The following NEDD4 variants were observed in gnomAD, a reference collection of about 807,000 sequenced individuals.
The protein encoded by NEDD4 is E3 ubiquitin-protein ligase NEDD4.
In NEDD4, 99 loss-of-function variants were observed where a neutral mutation model predicts 144.9. That is an observed-to-expected ratio of 0.68 (90% CI 0.58 to 0.81). The LOEUF (loss-of-function observed/expected upper bound fraction) is 0.81. NEDD4 is among the 30% of genes least tolerant of loss of function. NEDD4 has a pLI of 0.00. For missense variants in NEDD4, 985 were observed against 1,065.9 expected (o/e 0.92, Z 1.06); for synonymous variants, 318 against 350.6 (o/e 0.91, Z 1.04).
At chr15:55,938,377 C>T (rs1219205954) in intron 4 of NEDD4, among the ~76,000 whole-genome samples, 2 of 151,800 alleles carry the variant, frequency 1.3e-5, no homozygotes, top group African/African-American at 4.8e-5. Flanking sequence ...AACAAAAAAA[C>T]AACAAATGGC....
intron 4 of NEDD4, among the ~76,000 whole-genome samples, chr15:55,944,546 C>T (rs1177999683): frequency 1.6e-4 from 25 of 152,220 alleles, no homozygotes; most frequent in African/African-American, 5.5e-4. Flanking sequence ...ATAGACTCAA[C>T]CTCTGTGAGC....
At chr15:55,834,451 T>C (rs2033104416) in intron 24 of NEDD4, among the ~76,000 whole-genome samples, 165 bp from the exon 25 acceptor site, 1 of 152,158 alleles carries the variant, frequency 6.6e-6, no homozygotes, top group Non-Finnish European at 1.5e-5. Flanking sequence ...AAAATGTACA[T>C]GTGCACAGTC....
Position 55,993,543 on chromosome 15 carries a change from C to G in NEDD4, c.13G>C (p.Ala5Pro). 2 of 1,596,740 alleles carry G rather than the reference C, an allele frequency of 1.3e-6. No homozygotes were observed. Among genetic ancestry groups the G allele is most frequent in the Non-Finnish European group, 1.7e-6 (2 of 1,173,808 alleles). Reference sequence around the variant, plus strand: ...TCCAGGAGCCCGAACACCTCCACCGCGCAAGTTGCCATTTCCGAACGCTTC... The same window carrying G: ...TCCAGGAGCCCGAACACCTCCACCGGGCAAGTTGCCATTTCCGAACGCTTC... MATC[A>P]VEVFGLLEDE... Residue 5 changes from alanine to proline, a missense_variant, in exon 1 of 29, where the codon GCG becomes CCG. Coordinates refer to ENST00000435532, the MANE Select transcript of NEDD4 (RefSeq NM_006154.4).
intron 21 of NEDD4, among the ~76,000 whole-genome samples, chr15:55,839,772 CTG>C (rs2033381679): frequency 6.6e-6 from 1 of 151,424 alleles, no homozygotes; most frequent in Admixed American, 6.6e-5. Context: ...GGTCAAAAGA[CTG>C]AGACCATCCT....
chr15:55,881,728 G>A (rs2035200925), intron 5 of NEDD4, among the ~76,000 whole-genome samples: 1 of 152,024 alleles, frequency 6.6e-6, no homozygotes, highest in Non-Finnish European at 1.5e-5. Context: ...CTGTATGTTT[G>A]ATGATTTGTG....
chr15:55,989,119 C>T (rs1383348364), intron 1 of NEDD4, among the ~76,000 whole-genome samples: 1 of 151,998 alleles, frequency 6.6e-6, no homozygotes, highest in Non-Finnish European at 1.5e-5. Flanking sequence ...GCCTATAATC[C>T]CAGCTACCCT....
intron 2 of NEDD4, among the ~76,000 whole-genome samples, chr15:55,960,010 C>A (rs2037400149): frequency 6.6e-6 from 1 of 152,152 alleles, no homozygotes; most frequent in Admixed American, 6.6e-5. Flanking sequence ...TTCTCTACCT[C>A]CTCTCAGCTC....
At chr15:55,954,953 T>G (rs1026324465) in intron 2 of NEDD4, among the ~76,000 whole-genome samples, 28 of 147,878 alleles carry the variant, frequency 1.9e-4, no homozygotes, top group African/African-American at 7.5e-4. Flanking sequence ...GTAAGAATAT[T>G]TAACATGACC....
chr15:55,921,586 T>G (rs1375122163), intron 5 of NEDD4, among the ~76,000 whole-genome samples: 1 of 152,100 alleles, frequency 6.6e-6, no homozygotes, highest in East Asian at 1.9e-4. Context: ...CAGGAACACC[T>G]CCTGATCCAC....
chr15:55,882,659 C>T (rs2035236150), intron 5 of NEDD4, among the ~76,000 whole-genome samples: 1 of 152,124 alleles, frequency 6.6e-6, no homozygotes, highest in African/African-American at 2.4e-5. Flanking sequence ...AACCAGTGGA[C>T]TTGGGGGGCA....
chr15:55,835,054 C>A (rs62046641), intron 24 of NEDD4, among the ~76,000 whole-genome samples: 14,101 of 152,196 alleles, frequency 0.093, 706 homozygotes, highest in Middle Eastern at 0.15. Context: ...TCAACCCATA[C>A]CTACCTTTAA....
chr15:55,966,843 A>G (rs2037521470), intron 1 of NEDD4, among the ~76,000 whole-genome samples: 1 of 152,212 alleles, frequency 6.6e-6, no homozygotes, highest in South Asian at 2.1e-4. Flanking sequence ...GGAATTTCCA[A>G]TTATTGCTAT....
In NEDD4 at chr15:55,834,020, A is replaced by G. The variant is rs1345544338; in HGVS notation, c.2430+18T>C. ...ATCTATCAAAAAGTAAGTTATGAAA[A>G]TAGAAGTTTCAAATTACCTTCCAAA... On this transcript the variant is annotated intron_variant, in intron 26 of 28. Coordinates refer to ENST00000435532, the MANE Select transcript of NEDD4 (RefSeq NM_006154.4). 1 of 1,551,436 alleles carries G rather than the reference A, an allele frequency of 6.4e-7. No individual in the cohort carries two copies. The highest frequency in any genetic ancestry group is 8.9e-7 in the Non-Finnish European group (1 of 1,129,130).
chr15:55,984,603 C>T (rs2037860001), intron 1 of NEDD4, among the ~76,000 whole-genome samples: 1 of 152,202 alleles, frequency 6.6e-6, no homozygotes. Flanking sequence ...CAACATGTCT[C>T]GCATCAGTTG....
intron 1 of NEDD4, among the ~76,000 whole-genome samples, chr15:55,978,213 T>C (rs980384820): frequency 1.3e-5 from 2 of 152,194 alleles, no homozygotes; most frequent in Non-Finnish European, 2.9e-5. Context: ...AGGGGAATTA[T>C]AAATAACACA....
At chr15:55,952,335 A>AAAAAT (rs373109599) in intron 2 of NEDD4, among the ~76,000 whole-genome samples, 78 of 152,214 alleles carry the variant, frequency 5.1e-4, no homozygotes, top group Middle Eastern at 3.4e-3. Flanking sequence ...CTCCGTCTCA[A>AAAAAT]AAAATAAAAT....
rs1204816287 is a variant in NEDD4 at position 55,840,000 on chromosome 15, ATATATAT to A, written c.2031+440_2031+446del. Among the ~76,000 whole-genome samples the A allele has an allele frequency of 4.2e-3, 56 of 13,390 alleles. 1 individual carries two copies. Among genetic ancestry groups the A allele is most frequent in the East Asian group, 0.015 (4 of 270 alleles). 8.8% of individuals were successfully genotyped at this position (13,390 alleles called of 152,430 possible). A position where few individuals can be genotyped will look rare whatever the true frequency, so the allele number is the denominator to read the frequency against. ...AAAAAAAAAAAAAAAAAAAAAAAAA[ATATATAT>A]ATATATATATATATATATATATATA... is the stretch of plus-strand genomic sequence containing the variant. On this transcript the variant is annotated intron_variant, in intron 21 of 28. Transcript: ENST00000435532.
chr15:55,840,036 ATATAT>A (rs1566901312), intron 21 of NEDD4, among the ~76,000 whole-genome samples: 54 of 93,594 alleles, frequency 5.8e-4, no homozygotes, highest in Admixed American at 2.3e-3. Flanking sequence ...ATATATATAT[ATATAT>A]AACATTCATC....
intron 5 of NEDD4, among the ~76,000 whole-genome samples, chr15:55,906,633 G>A (rs1392665829): frequency 6.6e-6 from 1 of 151,884 alleles, no homozygotes; most frequent in African/African-American, 2.4e-5. Context: ...GGCCTGTTGT[G>A]GGGTGGGGGG....
Sources: gnomAD v4.1 joint callset for allele counts (sites outside exome capture counted in the v4.1 genomes callset) on GRCh38, gnomAD v4.1.1 for gene constraint, MANE v1.5 for transcripts, NCBI Gene and HGNC (gene_info 2026-07-23, HGNC 2026-07-21) for gene names.